The following MICAL2 variants were observed in gnomAD, a reference collection of about 807,000 sequenced individuals.
The protein encoded by MICAL2 is [F-actin]-monooxygenase MICAL2.
In MICAL2, 77 loss-of-function variants were observed where a neutral mutation model predicts 127.3. The observed-to-expected ratio is 0.60, with a 90% confidence interval of 0.50 to 0.73. The LOEUF is 0.73. Ranked by LOEUF, MICAL2 falls within the 30% of genes least tolerant of loss-of-function variation. The pLI is 0.00. For missense variants in MICAL2, 1,351 were observed against 1,434.4 expected (o/e 0.94, Z 0.94); for synonymous variants, 570 against 551.1 (o/e 1.03, Z -0.48).
chr11:12,131,753 CT>C (rs2133557302), intron 1 of MICAL2, among the ~76,000 whole-genome samples: 1 of 152,246 alleles, frequency 6.6e-6, no homozygotes, highest in Non-Finnish European at 1.5e-5. Context: ...TGTCCTAGCT[CT>C]GTTTTTTATG....
rs1457198864 is a variant in MICAL2, at chr11:12,160,278, T to G, written c.-77-1801T>G. 1.8e-4 allele frequency among the ~76,000 whole-genome samples: 28 copies of G among 152,150 alleles called. 1 individual carries two copies. Among genetic ancestry groups the G allele is most frequent in the Admixed American group, 1.8e-3 (28 of 15,284 alleles). ...CCTTTGCATGTGCTGTTCTTCCCCC[T>G]TCTCTTCCGGCTCCTCTCATTGCTG... On this transcript the variant is annotated intron_variant, in intron 2 of 27. Coordinates refer to ENST00000683283, the MANE Select transcript of MICAL2 (RefSeq NM_001282663.2).
chr11:12,189,331 G>A lies in MICAL2; in HGVS notation c.265-14919G>A, dbSNP rs371690287. Among the ~76,000 whole-genome samples, 358 of 152,234 alleles carry A rather than the reference G, an allele frequency of 2.4e-3. 3 individuals carry two copies. Among genetic ancestry groups the A allele is most frequent in the African/African-American group, 5.2e-3 (216 of 41,534 alleles). ...TGTTTTTGTTTTTGTTTTTGCTAAAGTGCGAGTACCTATGGTCAGAAAATG... is the reference window on the plus strand; with the variant it reads ...TGTTTTTGTTTTTGTTTTTGCTAAAATGCGAGTACCTATGGTCAGAAAATG... On this transcript the variant is annotated intron_variant, in intron 3 of 27. Transcript: ENST00000683283.
At chr11:12,262,067 G>A in intron 26 of MICAL2, 1 of 1,083,542 alleles carries the variant, frequency 9.2e-7, no homozygotes, top group South Asian at 2.8e-5. Context: ...GGCGAGACAG[G>A]GCGTGCCTGT....
intron 29 of MICAL2, among the ~76,000 whole-genome samples, chr11:12,299,701 T>C (rs921606033): frequency 1.3e-5 from 2 of 152,214 alleles, no homozygotes; most frequent in African/African-American, 4.8e-5. Flanking sequence ...TACAGTAACA[T>C]CCGCAAATGT....
chr11:12,295,558 C>T (rs1863976871), downstream of MICAL2, among the ~76,000 whole-genome samples: 1 of 150,674 alleles, frequency 6.6e-6, no homozygotes, highest in Non-Finnish European at 1.5e-5. Flanking sequence ...CTGAAGCACC[C>T]AGCTAATTTT....
At chr11:12,334,945 T>A (rs184672267) in intron 32 of MICAL2, among the ~76,000 whole-genome samples, 8 of 152,234 alleles carry the variant, frequency 5.3e-5, no homozygotes, top group Admixed American at 3.3e-4. Flanking sequence ...CAGCATGACT[T>A]ATAATCCTTT....
chr11:12,246,415 G>A (rs1213443486), intron 21 of MICAL2, among the ~76,000 whole-genome samples: 1 of 152,204 alleles, frequency 6.6e-6, no homozygotes, highest in African/African-American at 2.4e-5. Flanking sequence ...TTGCCACGCT[G>A]GTGAGCTCTT....
chr11:12,212,587 A>C (rs996707716), intron 6 of MICAL2, among the ~76,000 whole-genome samples: 1 of 151,786 alleles, frequency 6.6e-6, no homozygotes, highest in African/African-American at 2.4e-5. Flanking sequence ...CTGGTGTACT[A>C]TTTTCCTCTT....
chr11:12,294,438 T>C, downstream of MICAL2: 1 of 1,614,178 alleles, frequency 6.2e-7, no homozygotes, highest in Non-Finnish European at 8.5e-7. Context: ...TCCTCAGCCT[T>C]TAGCCCTCCT....
At chr11:12,239,979 G>A (rs1441247788) in intron 17 of MICAL2, among the ~76,000 whole-genome samples, 1 of 152,240 alleles carries the variant, frequency 6.6e-6, no homozygotes, top group Non-Finnish European at 1.5e-5. Context: ...TTCCAACCGT[G>A]ACTTGGTTTG....
intron 8 of MICAL2, among the ~76,000 whole-genome samples, chr11:12,218,328 C>T (rs1318222387): frequency 6.6e-6 from 1 of 152,200 alleles, no homozygotes; most frequent in Non-Finnish European, 1.5e-5. Context: ...TCCTTGTCCT[C>T]ATCTGCTCCC....
Position 12,335,103 on chromosome 11 carries a change from C to T in MICAL2, c.5515+7837C>T, listed in dbSNP as rs573055708. On this transcript the variant is annotated intron_variant, in intron 32 of 34. Coordinates refer to the MICAL2 transcript ENST00000646065. ...AAGTGTTCCTATTTCTCCACATCCT[C>T]TCCAGCACCTGTTTTTTCCTGATTT... is the stretch of plus-strand genomic sequence containing the variant. 6.0e-5 allele frequency among the ~76,000 whole-genome samples: 9 copies of T among 149,660 alleles called. No homozygotes were observed. The East Asian group carries it at 1.8e-3, about 30-fold the overall frequency.
chr11:12,171,682 C>T lies in MICAL2; in HGVS notation c.264+9263C>T, dbSNP rs80146025. Among the ~76,000 whole-genome samples, 884 of 152,162 alleles carry T rather than the reference C, an allele frequency of 5.8e-3. 7 individuals carry two copies. The highest frequency in any genetic ancestry group is 0.019 in the African/African-American group (794 of 41,508). Reference sequence around the variant, plus strand: ...AGGTAATTGAGATGCTGACCAGAGGCGAAAACAAATAGGGGCTTATGTTTT... The same window carrying T: ...AGGTAATTGAGATGCTGACCAGAGGTGAAAACAAATAGGGGCTTATGTTTT... On this transcript the variant is annotated intron_variant, in intron 3 of 27. Transcript: ENST00000683283.
intron 2 of MICAL2, among the ~76,000 whole-genome samples, chr11:12,152,297 C>CAAAAAAAA (rs540812572): frequency 5.2e-4 from 20 of 38,370 alleles, no homozygotes; most frequent in East Asian, 1.1e-3. Flanking sequence ...GACTCTGTCT[C>CAAAAAAAA]AAAAAAAAAA....
intron 2 of MICAL2, among the ~76,000 whole-genome samples, chr11:12,139,666 G>A (rs968558710): frequency 2.0e-5 from 3 of 152,140 alleles, no homozygotes; most frequent in Non-Finnish European, 2.9e-5. Context: ...TAGTATCTGG[G>A]GAAAGACCCA....
chr11:12,249,762 G>T (rs1466775652), intron 22 of MICAL2, among the ~76,000 whole-genome samples: 1 of 152,260 alleles, frequency 6.6e-6, no homozygotes, highest in East Asian at 1.9e-4. Context: ...GCCAAACTCA[G>T]CGGAGAAGTG....
At chr11:12,147,188 A>T (rs1853019184) in intron 2 of MICAL2, among the ~76,000 whole-genome samples, 1 of 151,546 alleles carries the variant, frequency 6.6e-6, no homozygotes. Context: ...GTGCACATGT[A>T]CCCTAGCACT....
In MICAL2 at chr11:12,241,148, C is replaced by T. The variant is rs1343999109; in HGVS notation, c.2323C>T (p.Pro775Ser). 1.9e-6 allele frequency: 3 copies of T among 1,613,940 alleles called. No homozygotes were observed. The highest frequency in any genetic ancestry group is 3.3e-4 in the Middle Eastern group (2 of 6,056). The stretch of plus-strand genomic sequence containing the variant: ...GGAGGCCACACCCAGCCCATCACCT[C>T]CTCTGAAAAGGCAGGTAGGGCTCCT... Reference protein sequence around the residue: ...PEEATPSPSPPLKRQFPSVVV... With the variant: ...PEEATPSPSPSLKRQFPSVVV... The change falls in exon 18 of 28, where the codon CCT becomes TCT. Residue 775 changes from proline (P) to serine (S), a missense_variant. By Grantham distance (74) the Pro-to-Ser change is moderately conservative. Around this residue, in one of 2 missense-constraint regions of MICAL2, gnomAD observed 752 missense variants for 719.4 expected, o/e 1.05. Transcript: ENST00000683283.
chr11:12,175,198 G>A (rs561553439), intron 3 of MICAL2, among the ~76,000 whole-genome samples: 12 of 151,888 alleles, frequency 7.9e-5, no homozygotes, highest in Non-Finnish European at 1.5e-4. Flanking sequence ...CAGACAAACC[G>A]AGCACGATGG....
Sources: allele counts gnomAD v4.1 joint callset (sites outside exome capture counted in the v4.1 genomes callset), GRCh38; gene constraint gnomAD v4.1.1; regional missense constraint gnomAD v4.1.1; transcripts MANE v1.5; gene names NCBI Gene and HGNC (gene_info 2026-07-23, HGNC 2026-07-21).